The following SCFD2 variants were observed in gnomAD, a reference collection of about 807,000 sequenced individuals.
The protein encoded by SCFD2 is sec1 family domain-containing protein 2.
SCFD2 carries 54 observed loss-of-function variants against 58.9 expected under a neutral mutation model. That is an observed-to-expected ratio of 0.92 (90% CI 0.74 to 1.15). SCFD2 has a LOEUF of 1.15. SCFD2 is among the 50% of genes most tolerant of loss of function. The pLI, the probability that SCFD2 is intolerant of heterozygous loss-of-function variation, is 0.00. For synonymous variants in SCFD2, 321 were observed against 335.9 expected (o/e 0.96, Z 0.49); for missense variants, 805 against 836.6 (o/e 0.96, Z 0.47).
At chr4:53,053,730 G>C (rs1723248737) in intron 5 of SCFD2, among the ~76,000 whole-genome samples, 1 of 152,104 alleles carries the variant, frequency 6.6e-6, no homozygotes, top group South Asian at 2.1e-4. Context: ...GTTCCTCAGG[G>C]AATGGCTCCG....
chr4:52,979,184 G>A (rs542677609), intron 5 of SCFD2, among the ~76,000 whole-genome samples: 6 of 152,016 alleles, frequency 3.9e-5, no homozygotes, highest in African/African-American at 7.2e-5. Flanking sequence ...TTTTCCCAAG[G>A]GACTCCCAAG....
At chr4:53,256,918 G>A (rs865897508) in intron 4 of SCFD2, among the ~76,000 whole-genome samples, 1 of 131,932 alleles carries the variant, frequency 7.6e-6, no homozygotes, top group Non-Finnish European at 1.6e-5. Flanking sequence ...GACGGGGAGG[G>A]GGAGGGGGAG....
chr4:52,975,161 T>C lies in SCFD2; in HGVS notation c.1562-54291A>G, dbSNP rs201743165. On this transcript the variant is annotated intron_variant, in intron 5 of 8. Coordinates refer to ENST00000401642, the MANE Select transcript of SCFD2 (RefSeq NM_152540.4). ...AAAGCAATGGCAACAAAAGCCAAAA[T>C]TGACAAATGGGATCTTATTAAACTA... 5.3e-5 allele frequency among the ~76,000 whole-genome samples: 8 copies of C among 152,198 alleles called. 1 individual carries two copies. The East Asian group carries it at 1.5e-3, about 29-fold the overall frequency.
chr4:52,985,862 G>A (rs774210686), intron 5 of SCFD2, among the ~76,000 whole-genome samples: 2 of 151,726 alleles, frequency 1.3e-5, no homozygotes, highest in African/African-American at 2.4e-5. Context: ...CATGTACTAG[G>A]AAATTTCCAA....
chr4:52,976,423 T>C (rs1721262528), intron 5 of SCFD2, among the ~76,000 whole-genome samples: 1 of 152,188 alleles, frequency 6.6e-6, no homozygotes, highest in Non-Finnish European at 1.5e-5. Context: ...ATTCTGGCTC[T>C]CCTCCTATCA....
Position 53,133,111 on chromosome 4 carries a change from A to G in SCFD2, c.1561+12222T>C, listed in dbSNP as rs544318625. 4.3e-3 allele frequency among the ~76,000 whole-genome samples: 660 copies of G among 152,050 alleles called. 2 individuals are homozygous for G. The highest frequency in any genetic ancestry group is 8.0e-3 in the Non-Finnish European group (543 of 67,952). On this transcript the variant is annotated intron_variant, in intron 5 of 8. Transcript: ENST00000401642. ...TGGGAGGCCGAGGCGGGTGGATCAC[A>G]AGGTCAGGAGATCGAGACCATCCTG...
At chr4:53,126,838 T>C (rs376221074) in intron 5 of SCFD2, among the ~76,000 whole-genome samples, 2 of 152,094 alleles carry the variant, frequency 1.3e-5, no homozygotes, top group African/African-American at 4.8e-5. Context: ...CAAAAAGTTA[T>C]TTGGCCTGTT....
intron 4 of SCFD2, among the ~76,000 whole-genome samples, chr4:53,176,506 T>C (rs1289521615): frequency 6.6e-6 from 1 of 152,184 alleles, no homozygotes; most frequent in Non-Finnish European, 1.5e-5. Flanking sequence ...CTAAATTGCC[T>C]TTGCTTTCCA....
At chr4:52,980,374 G>A (rs1721349174) in intron 5 of SCFD2, among the ~76,000 whole-genome samples, 1 of 152,110 alleles carries the variant, frequency 6.6e-6, no homozygotes, top group Non-Finnish European at 1.5e-5. Context: ...CAATTTCTAT[G>A]GCTCCTTTTC....
chr4:53,112,626 T>C (rs1725205393), intron 5 of SCFD2, among the ~76,000 whole-genome samples: 1 of 152,124 alleles, frequency 6.6e-6, no homozygotes. Context: ...GCACAGGTTT[T>C]AGAACCAGGC....
At chr4:52,972,965 C>T (rs1241990952) in intron 5 of SCFD2, among the ~76,000 whole-genome samples, 2 of 152,162 alleles carry the variant, frequency 1.3e-5, no homozygotes, top group Non-Finnish European at 2.9e-5. Context: ...TTCTTTGGAA[C>T]CAATGAGAAC....
At chr4:52,947,253 C>T (rs953604434) in intron 5 of SCFD2, among the ~76,000 whole-genome samples, 7 of 152,162 alleles carry the variant, frequency 4.6e-5, no homozygotes, top group South Asian at 2.1e-4. Context: ...TTTCCATTCA[C>T]GGGGAAACTG....
intron 4 of SCFD2, among the ~76,000 whole-genome samples, chr4:53,149,436 AAT>A (rs1436390779): frequency 6.6e-6 from 1 of 152,244 alleles, no homozygotes; most frequent in Non-Finnish European, 1.5e-5. Flanking sequence ...GTATACAATA[AAT>A]ATATGTCAGT....
chr4:53,297,793 C>A (rs955230823), intron 3 of SCFD2, among the ~76,000 whole-genome samples: 2 of 152,146 alleles, frequency 1.3e-5, no homozygotes, highest in African/African-American at 4.8e-5. Flanking sequence ...TGGCTGGTAC[C>A]AGTTGACCTT....
intron 5 of SCFD2, among the ~76,000 whole-genome samples, chr4:53,099,479 A>G (rs1361982879): frequency 6.6e-6 from 1 of 152,168 alleles, no homozygotes. Flanking sequence ...TATCAAGAAA[A>G]GAGGTTTATT....
chr4:52,975,607 C>T (rs545611166), intron 5 of SCFD2, among the ~76,000 whole-genome samples: 1 of 152,264 alleles, frequency 6.6e-6, no homozygotes, highest in Admixed American at 6.5e-5. Context: ...TTGTGGAAGT[C>T]AGTGTGGCAA....
chr4:52,917,064 A>AT (rs995686356), intron 6 of SCFD2, among the ~76,000 whole-genome samples: 8 of 151,798 alleles, frequency 5.3e-5, no homozygotes, highest in African/African-American at 1.9e-4. Flanking sequence ...CACCCACCTA[A>AT]TTTTTTTAAA....
intron 4 of SCFD2, among the ~76,000 whole-genome samples, chr4:53,210,313 T>A (rs549658433): frequency 6.6e-6 from 1 of 152,172 alleles, no homozygotes; most frequent in South Asian, 2.1e-4. Flanking sequence ...GAAAGATTTG[T>A]GTAGGCCAAT....
chr4:53,083,621 C>T (rs1724214872), intron 5 of SCFD2, among the ~76,000 whole-genome samples: 1 of 152,156 alleles, frequency 6.6e-6, no homozygotes. Context: ...GAACCCACCC[C>T]CAATATTTCA....
Sources: allele counts gnomAD v4.1 joint callset (sites outside exome capture counted in the v4.1 genomes callset), GRCh38; gene constraint gnomAD v4.1.1; transcripts MANE v1.5; gene names NCBI Gene and HGNC (gene_info 2026-07-23, HGNC 2026-07-21).